TMEM170A: variants seen among roughly 807,000 people sequenced by gnomAD.
TMEM170A encodes the protein transmembrane protein 170A.
A neutral mutation model predicts 12.8 loss-of-function variants in TMEM170A; 18 were observed. That is an observed-to-expected ratio of 1.41 (90% CI 0.97 to 2.09). The LOEUF (loss-of-function observed/expected upper bound fraction) is 2.09. Ranked by LOEUF, TMEM170A falls within the 30% of genes most tolerant of loss-of-function variation. TMEM170A has a pLI of 0.00. For synonymous variants in TMEM170A, 107 were observed against 76.2 expected (o/e 1.40, Z -2.11); for missense variants, 220 against 179.9 (o/e 1.22, Z -1.28).
In TMEM170A at chr16:75,447,388, A is replaced by G. The variant is rs1272140716; in HGVS notation, c.*170T>C. 6.1e-6 allele frequency: 4 copies of G among 652,572 alleles called. No individual in the cohort carries two copies. Among genetic ancestry groups the G allele is most frequent in the Non-Finnish European group, 9.0e-6 (4 of 443,036 alleles). 40.4% of individuals were successfully genotyped at this position (652,572 alleles called of 1,614,324 possible). Reference sequence around the variant, plus strand: ...ACAATAGGAGTCCACATAAGTCTTCAATTCTAGGAGCTTCAAAATGAAGAA... The same window carrying G: ...ACAATAGGAGTCCACATAAGTCTTCGATTCTAGGAGCTTCAAAATGAAGAA... On this transcript the variant is annotated 3_prime_UTR_variant, in exon 3 of 3. Coordinates refer to ENST00000561878, the MANE Select transcript of TMEM170A (RefSeq NM_145254.3).
chr16:75,460,495 C>T (rs1597454721), intron 1 of TMEM170A, among the ~76,000 whole-genome samples: 1 of 152,168 alleles, frequency 6.6e-6, no homozygotes, highest in Non-Finnish European at 1.5e-5. Context: ...ATCTGCTGCT[C>T]CCTGGCCTAG....
At position 75,454,401 on chromosome 16, in the gene TMEM170A, G is replaced by A. The variant is rs147451099; in HGVS notation, c.134-2562C>T. ...TGGGAGGTCGAGGTGGGCTAATCAC[G>A]AGGTCAGGAGTTCAAGACCAGCCTG... On this transcript the variant is annotated intron_variant, in intron 1 of 2. Transcript: ENST00000561878. 5.4e-4 allele frequency among the ~76,000 whole-genome samples: 82 copies of A among 152,132 alleles called. 2 individuals carry two copies. The East Asian group carries it at 7.7e-3, about 14-fold the overall frequency.
intron 1 of TMEM170A, among the ~76,000 whole-genome samples, chr16:75,460,621 C>T (rs551199809): frequency 1.2e-4 from 19 of 152,304 alleles, no homozygotes; most frequent in African/African-American, 4.3e-4. Flanking sequence ...CAGCAATCCA[C>T]CCCCACCACA....
intron 1 of TMEM170A, among the ~76,000 whole-genome samples, chr16:75,456,340 G>C (rs2079795525): frequency 1.3e-5 from 2 of 152,048 alleles, no homozygotes; most frequent in Admixed American, 1.3e-4. Context: ...TGTAATACCA[G>C]CACTTTGGAG....
chr16:75,451,436 C>CTT, intron 2 of TMEM170A: 2 of 602,254 alleles, frequency 3.3e-6, no homozygotes, highest in South Asian at 4.0e-5. Context: ...GTAGTCCAAG[C>CTT]TTCTTGGGAG....
chr16:75,448,429 A>C (rs936326299), intron 2 of TMEM170A, among the ~76,000 whole-genome samples: 1 of 152,226 alleles, frequency 6.6e-6, no homozygotes, highest in African/African-American at 2.4e-5. Context: ...CATTATACCA[A>C]GGAAGTGTAC....
chr16:75,450,986 T>G (rs2079670888), intron 2 of TMEM170A, among the ~76,000 whole-genome samples: 2 of 152,190 alleles, frequency 1.3e-5, no homozygotes, highest in Non-Finnish European at 2.9e-5. Context: ...TCAAAATTTG[T>G]CTTCTATCTT....
chr16:75,460,930 C>T (rs1002125099), intron 1 of TMEM170A, among the ~76,000 whole-genome samples: 7 of 152,090 alleles, frequency 4.6e-5, no homozygotes, highest in African/African-American at 1.7e-4. Flanking sequence ...TCTGTATCTT[C>T]TGAAGATGAA....
intron 1 of TMEM170A, among the ~76,000 whole-genome samples, chr16:75,457,192 G>GT (rs2079814504): frequency 6.6e-6 from 1 of 152,136 alleles, no homozygotes; most frequent in Admixed American, 6.5e-5. Context: ...GCTTTCTGCA[G>GT]TAACTCAAGG....
intron 1 of TMEM170A, 131 bp from the exon 2 acceptor site, chr16:75,451,970 A>G: frequency 1.2e-6 from 1 of 859,248 alleles, no homozygotes; most frequent in South Asian, 2.0e-5. Flanking sequence ...AAAAATTTTT[A>G]TTATTTTTAA....
At chr16:75,452,558 G>T (rs930343437) in intron 1 of TMEM170A, 1 of 152,030 alleles carries the variant, frequency 6.6e-6, no homozygotes, top group Non-Finnish European at 1.5e-5. Context: ...TGATCTGCCC[G>T]CCTTGGCCTC....
Position 75,446,696 on chromosome 16 carries a change from G to A in TMEM170A, c.*862C>T, listed in dbSNP as rs1195976207. On this transcript the variant is annotated 3_prime_UTR_variant, in exon 3 of 3. Transcript: ENST00000561878. ...GAAAAACTATGACAGAATGCCTAAAGTATCTTATGTGTGCCTCAATGTCCA... is the reference window on the plus strand; with the variant it reads ...GAAAAACTATGACAGAATGCCTAAAATATCTTATGTGTGCCTCAATGTCCA... 2 of 152,178 alleles carry A rather than the reference G, an allele frequency of 1.3e-5. No individual in the cohort carries two copies. The highest frequency in any genetic ancestry group is 2.9e-5 in the Non-Finnish European group (2 of 68,028). The allele number at this position is 152,178 out of a possible 1,614,324, so 9.4% of individuals were successfully genotyped here.
At position 75,451,988 on chromosome 16, in the gene TMEM170A, T is replaced by C. The variant is rs575149471; in HGVS notation, c.134-149A>G. On this transcript the variant is annotated intron_variant, in intron 1 of 2. Coordinates refer to ENST00000561878, the MANE Select transcript of TMEM170A (RefSeq NM_145254.3). Reference sequence around the variant, plus strand: ...AATTTTTATTATTTTTAATTTTTTTTTGAGACGGAGTCTCGCTCTGTCACC... The same window carrying C: ...AATTTTTATTATTTTTAATTTTTTTCTGAGACGGAGTCTCGCTCTGTCACC... 2.9e-4 allele frequency: 225 copies of C among 766,354 alleles called. 3 individuals are homozygous for C. The East Asian group carries it at 6.1e-3, about 21-fold the overall frequency. The allele number at this position is 766,354 out of a possible 1,614,324, so 47.5% of individuals were successfully genotyped here. A position where few individuals can be genotyped will look rare whatever the true frequency, so the allele number is the denominator to read the frequency against.
In TMEM170A at chr16:75,444,712, A is replaced by T. The variant is rs1332833139; in HGVS notation, c.*2846T>A. 1.3e-5 allele frequency: 2 copies of T among 152,188 alleles called. No homozygotes were observed. Among genetic ancestry groups the T allele is most frequent in the East Asian group, 3.9e-4 (2 of 5,190 alleles). The allele number at this position is 152,188 out of a possible 1,614,324, so 9.4% of individuals were successfully genotyped here. ...ACCGCTCAAGCTATTTAAAATCTAT[A>T]TATATATATAGATTTATTCACTGGA... On this transcript the variant is annotated 3_prime_UTR_variant, in exon 3 of 3. Transcript: ENST00000561878.
chr16:75,464,011 T>C (rs1020658845), intron 1 of TMEM170A, among the ~76,000 whole-genome samples: 1 of 152,178 alleles, frequency 6.6e-6, no homozygotes. Context: ...GGGGCCGGGC[T>C]GCAGCCCCGG....
chr16:75,457,889 G>A (rs149105862), intron 1 of TMEM170A, among the ~76,000 whole-genome samples: 17 of 151,824 alleles, frequency 1.1e-4, no homozygotes, highest in Non-Finnish European at 1.5e-4. Context: ...ATTTCAAGTA[G>A]GAAAAAAAGG....
intron 2 of TMEM170A, among the ~76,000 whole-genome samples, chr16:75,448,375 C>A (rs1030133950): frequency 6.6e-6 from 1 of 152,214 alleles, no homozygotes; most frequent in African/African-American, 2.4e-5. Flanking sequence ...ACGAAAACCC[C>A]TGTATCTATG....
chr16:75,458,972 C>G, intron 1 of TMEM170A: 1 of 152,200 alleles, frequency 6.6e-6, no homozygotes, highest in East Asian at 1.9e-4. Context: ...CGACTCACTG[C>G]AACCTCTGCC....
chr16:75,451,572 T>C, intron 2 of TMEM170A, 97 bp downstream of exon 2: 2 of 1,361,880 alleles, frequency 1.5e-6, no homozygotes, highest in East Asian at 2.3e-5. Context: ...AAAGGCACTC[T>C]TTCCTTCATC....
Sources: allele counts gnomAD v4.1 joint callset (sites outside exome capture counted in the v4.1 genomes callset), GRCh38; gene constraint gnomAD v4.1.1; transcripts MANE v1.5; gene names NCBI Gene and HGNC (gene_info 2026-07-23, HGNC 2026-07-21).